FANCA: variants seen among roughly 807,000 people sequenced by gnomAD.
The protein encoded by FANCA is FA complementation group A.
Under a neutral mutation model 194.3 loss-of-function variants are expected in FANCA, and 236 were observed. That is an observed-to-expected ratio of 1.21 (90% CI 1.09 to 1.35). The LOEUF (loss-of-function observed/expected upper bound fraction) is 1.35. Among genes scored for constraint, FANCA ranks in the 40% most tolerant of loss-of-function variants. The probability of loss-of-function intolerance (pLI) is 0.00; values close to 1 mark genes in which losing one functional copy is unlikely to be tolerated. For synonymous variants in FANCA, 1,014 were observed against 715.8 expected (o/e 1.42, Z -6.65); for missense variants, 2,628 against 1,813.9 (o/e 1.45, Z -8.15).
At chr16:89,746,979 A>AG in intron 33 of FANCA, 89 bp from the exon 34 acceptor site, 1 of 1,245,202 alleles carries the variant, frequency 8.0e-7, no homozygotes, top group Non-Finnish European at 1.1e-6. Context: ...TTCAGTTTTG[A>AG]GAAAAACACT....
In FANCA at chr16:89,738,742, G is replaced by A. The variant is rs375487632; in HGVS notation, c.4261-34C>T. The A allele has an allele frequency of 1.1e-5, 18 of 1,612,360 alleles. No homozygotes were observed. The African/African-American group carries it at 1.2e-4, about 11-fold the overall frequency. ...GAGGAGCAGGTCCTCAGCCCATGCC[G>A]CCCACTAGGCCTCAGACCACAGGGG... On this transcript the variant is annotated intron_variant, in intron 42 of 42. Coordinates refer to ENST00000389301, the MANE Select transcript of FANCA (RefSeq NM_000135.4).
chr16:89,799,477 G>T, intron 9 of FANCA, 128 bp downstream of exon 9: 1 of 1,046,284 alleles, frequency 9.6e-7, no homozygotes, highest in South Asian at 1.3e-5. Context: ...GGGCATTCCA[G>T]TACCAGGACT....
rs772483334 is a variant in FANCA, at chr16:89,782,853, C to T, written c.1626+6G>A. On this transcript the variant is annotated splice_donor_region_variant and intron_variant, in intron 17 of 42. Transcript: ENST00000389301. ...CTGAGACCCTGCAGGGCTCAAGCAA[C>T]ATTACCTCAGTAATGTCCCCAGCTG... 6.2e-6 allele frequency: 10 copies of T among 1,613,450 alleles called. No homozygotes were observed. Among genetic ancestry groups the T allele is most frequent in the African/African-American group, 1.3e-5 (1 of 74,916 alleles).
intron 15 of FANCA, among the ~76,000 whole-genome samples, chr16:89,784,079 G>A (rs1031238588): frequency 1.3e-5 from 2 of 151,960 alleles, no homozygotes; most frequent in African/African-American, 2.4e-5. Context: ...AAAAGATGAG[G>A]GTCAGGCTGG....
Position 89,784,916 on chromosome 16 carries a change from G to T in FANCA, c.1408C>A (p.Leu470Met), listed in dbSNP as rs752092543. ...GACAAGAACGTAAACAGGAAGACCAGGGCCTTCTTGCTGCAGCCATGGTAG... is the reference window on the plus strand; with the variant it reads ...GACAAGAACGTAAACAGGAAGACCATGGCCTTCTTGCTGCAGCCATGGTAG... The part of the protein sequence containing the change: ...RGYHGCSKKA[L>M]VFLFTFLSEL... Residue 470 changes from leucine to methionine, a missense_variant, in exon 15 of 43, where the codon CTG becomes ATG. By Grantham distance (15) the Leu-to-Met change is conservative. Coordinates refer to ENST00000389301, the MANE Select transcript of FANCA (RefSeq NM_000135.4). 2 of 1,614,060 alleles carry T rather than the reference G, an allele frequency of 1.2e-6. No individual in the cohort carries two copies. The highest frequency in any genetic ancestry group is 2.7e-5 in the African/African-American group (2 of 74,936).
At chr16:89,797,092 G>A (rs959241072) in intron 10 of FANCA, among the ~76,000 whole-genome samples, 2 of 152,204 alleles carry the variant, frequency 1.3e-5, no homozygotes, top group African/African-American at 2.4e-5. Flanking sequence ...CCCAGGGAGC[G>A]GAGCTTGCAG....
In FANCA at chr16:89,742,943, G is replaced by C. The variant is rs1417894512; in HGVS notation, c.3627-5C>G. On this transcript the variant is annotated splice_polypyrimidine_tract_variant and splice_region_variant and intron_variant, in intron 36 of 42. Transcript: ENST00000389301. The stretch of plus-strand genomic sequence containing the variant: ...GCAGCCTCAGGGGAGAGGAAACTGG[G>C]ACAGAGAGAACGGGGTCATTGCAGG... 6.2e-7 allele frequency: 1 copy of C among 1,613,528 alleles called. No homozygotes were observed. Among genetic ancestry groups the C allele is most frequent in the African/African-American group, 1.3e-5 (1 of 74,924 alleles).
At chr16:89,801,032 CAAA>C (rs59752200) in intron 8 of FANCA, among the ~76,000 whole-genome samples, 1 of 73,040 alleles carries the variant, frequency 1.4e-5, no homozygotes, top group Non-Finnish European at 2.8e-5. Flanking sequence ...GACTCCATCT[CAAA>C]AAAAAAAAAA....
At chr16:89,794,446 G>T (rs897781984) in intron 11 of FANCA, among the ~76,000 whole-genome samples, 1 of 151,422 alleles carries the variant, frequency 6.6e-6, no homozygotes, top group Non-Finnish European at 1.5e-5. Context: ...GCTTGGCAGG[G>T]AATAGCTTGA....
chr16:89,764,859 G>T (rs546829400), intron 28 of FANCA, 31 bp downstream of exon 28: 2 of 1,609,596 alleles, frequency 1.2e-6, no homozygotes, highest in African/African-American at 1.3e-5. Flanking sequence ...TCAGGACGTG[G>T]CATGATGCAG....
In FANCA at chr16:89,803,274, A is replaced by T; in HGVS notation, c.777T>A (p.Pro259=). 9 of 1,614,144 alleles carry T rather than the reference A, an allele frequency of 5.6e-6. No individual in the cohort carries two copies. Among genetic ancestry groups the T allele is most frequent in the Non-Finnish European group, 7.6e-6 (9 of 1,179,986 alleles). Residue 259 remains proline, a synonymous_variant, in exon 8 of 43, where the codon CCT becomes CCA. Coordinates refer to ENST00000389301, the MANE Select transcript of FANCA (RefSeq NM_000135.4). The part of the protein sequence containing the change: ...KNSDLRRTVE[P]EKMPQVTVDV... ...TTCCTCCTACCTGCGGCATTTTTTC[A>T]GGCTCCACAGTTCTTCTCAGATCTG...
chr16:89,810,880 G>A, intron 4 of FANCA, 49 bp downstream of exon 4: 1 of 1,613,986 alleles, frequency 6.2e-7, no homozygotes, highest in South Asian at 1.1e-5. Context: ...TTCCCAACCA[G>A]CTTAAAAGTA....
At chr16:89,813,093 T>C (rs2040964042) in intron 3 of FANCA, among the ~76,000 whole-genome samples, 1 of 150,332 alleles carries the variant, frequency 6.7e-6, no homozygotes, top group Non-Finnish European at 1.5e-5. Context: ...GTACGAGAAA[T>C]CATCAGCTGC....
At chr16:89,789,307 G>GT (rs1567633812) in intron 14 of FANCA, among the ~76,000 whole-genome samples, 1 of 89,052 alleles carries the variant, frequency 1.1e-5, no homozygotes, top group African/African-American at 7.0e-5. Context: ...CAGAAGGCCT[G>GT]GGGGGGGAGC....
chr16:89,777,027 C>T (rs529949402), intron 20 of FANCA, among the ~76,000 whole-genome samples: 5 of 151,850 alleles, frequency 3.3e-5, no homozygotes, highest in Admixed American at 3.3e-4. Context: ...CTGGGCAACA[C>T]AGCGAAAATC....
chr16:89,740,806 T>G lies in FANCA; in HGVS notation c.3826A>C (p.Asn1276His). Residue 1276 changes from asparagine to histidine, a missense_variant and splice_region_variant, in exon 38 of 43, where the codon AAT (asparagine) becomes CAT (histidine). Physicochemically the swap from Asn to His is moderately conservative, Grantham distance 68 (BLOSUM62 1). Coordinates refer to ENST00000389301, the MANE Select transcript of FANCA (RefSeq NM_000135.4). ...TTGGCTGGTAAGGTCTGACTTACAT[T>G]TGAGGTCAGATGTGACGACAGCAGG... ...MGLLSSHLTS[N>H]STTDLPKAFH... 1.2e-6 allele frequency: 2 copies of G among 1,613,426 alleles called. No individual in the cohort carries two copies. The highest frequency in any genetic ancestry group is 1.7e-6 in the Non-Finnish European group (2 of 1,179,650).
intron 20 of FANCA, 150 bp from the exon 21 acceptor site, chr16:89,775,965 AT>A (rs944107160): frequency 4.1e-5 from 16 of 389,314 alleles, no homozygotes; most frequent in African/African-American, 6.3e-5. Context: ...TTACAAAAAA[AT>A]ATTAAAAAAT....
intron 30 of FANCA, among the ~76,000 whole-genome samples, chr16:89,757,596 A>G (rs898344358): frequency 1.3e-5 from 2 of 152,134 alleles, no homozygotes; most frequent in Non-Finnish European, 2.9e-5. Context: ...ACATGGGGGG[A>G]AGCTGCATAC....
chr16:89,808,346 C>T lies in FANCA; in HGVS notation c.544G>A (p.Val182Met), dbSNP rs375710447. ...KIQSSLLLEA[V>M]WHLHVQGIVS... is the part of the protein sequence containing the mutation. ...ATGCCTTGTACGTGAAGATGCCACA[C>T]CGCTTCAAGCAACAAAGAACTCTGA... is the stretch of plus-strand genomic sequence containing the variant. The change falls in exon 6 of 43, where the codon GTG (valine) becomes ATG (methionine). Residue 182 changes from valine (V) to methionine (M), a missense_variant. Coordinates refer to ENST00000389301, the MANE Select transcript of FANCA (RefSeq NM_000135.4). 9 of 1,614,022 alleles carry T rather than the reference C, an allele frequency of 5.6e-6. No individual in the cohort carries two copies. The highest frequency in any genetic ancestry group is 4.0e-5 in the African/African-American group (3 of 74,918).
Sources: allele counts gnomAD v4.1 joint callset (sites outside exome capture counted in the v4.1 genomes callset), GRCh38; gene constraint gnomAD v4.1.1; transcripts MANE v1.5; gene names NCBI Gene and HGNC (gene_info 2026-07-23, HGNC 2026-07-21).